Variants in CNBD2 observed in about 807,000 individuals in gnomAD.
CNBD2 encodes cyclic nucleotide-binding domain-containing protein 2.
A neutral mutation model predicts 63.7 loss-of-function variants in CNBD2; 64 were observed. That is an observed-to-expected ratio of 1.00 (90% CI 0.82 to 1.24). CNBD2 has a LOEUF of 1.24. Ranked by LOEUF, CNBD2 falls within the 50% of genes most tolerant of loss-of-function variation. CNBD2 has a pLI of 0.00. For synonymous variants in CNBD2, 229 were observed against 255.4 expected, an observed-to-expected ratio of 0.90 and a Z score of 0.99; for missense variants, 691 against 713.5, an observed-to-expected ratio of 0.97 and a Z score of 0.36.
downstream of CNBD2, among the ~76,000 whole-genome samples, chr20:35,957,142 C>T (rs1301203975): frequency 1.3e-5 from 2 of 152,092 alleles, no homozygotes; most frequent in East Asian, 3.8e-4. Context: ...GGAGGAGGGA[C>T]CTGAGAGATC....
At chr20:35,965,748 G>A (rs17093268), upstream of CNBD2, among the ~76,000 whole-genome samples, 1,488 of 152,268 alleles carry the variant, frequency 9.8e-3, 62 homozygotes, top group Admixed American at 0.071. Context: ...GATGTCTTCA[G>A]GTAAATTGAG....
At position 36,008,282 on chromosome 20, in the gene CNBD2, T is replaced by C; in HGVS notation, c.971-15T>C. ...AAAGATCCATAAGTATCTTTTCCTG[T>C]GCTTTCTCTAACAGAATACTCTCCT... On this transcript the variant is annotated splice_polypyrimidine_tract_variant and intron_variant, in intron 8 of 11. Transcript: ENST00000373973. The C allele has an allele frequency of 6.3e-7, 1 of 1,592,510 alleles. No homozygotes were observed. Among genetic ancestry groups the C allele is most frequent in the Non-Finnish European group, 8.5e-7 (1 of 1,170,154 alleles).
intron 10 of CNBD2, among the ~76,000 whole-genome samples, chr20:36,019,442 G>C: frequency 6.8e-6 from 1 of 146,980 alleles, no homozygotes; most frequent in Non-Finnish European, 1.5e-5. Context: ...AGGATCCCTT[G>C]AGCCCAGGAG....
intron 8 of CNBD2, among the ~76,000 whole-genome samples, chr20:36,007,650 G>A (rs1219391962): frequency 6.6e-6 from 1 of 152,042 alleles, no homozygotes; most frequent in Non-Finnish European, 1.5e-5. Flanking sequence ...AGTGTCCCCA[G>A]TTGCTAGAGC....
In CNBD2 at chr20:36,004,571, CT is replaced by C. The variant is rs534757185; in HGVS notation, c.971-3713del. 6.3e-3 allele frequency among the ~76,000 whole-genome samples: 915 copies of C among 145,004 alleles called. 2 individuals carry two copies. Among genetic ancestry groups the C allele is most frequent in the African/African-American group, 0.014 (550 of 39,764 alleles). ...TCCTTTATTGCCTGATATTCAATGT[CT>C]TTTTTTTTTTTTGAGACAGGGTCTC... On this transcript the variant is annotated intron_variant, in intron 8 of 11. Transcript: ENST00000373973.
chr20:35,971,432 C>G (rs548396680), intron 1 of CNBD2, among the ~76,000 whole-genome samples: 11 of 151,930 alleles, frequency 7.2e-5, no homozygotes, highest in Middle Eastern at 6.8e-3. Context: ...CCTTATTTGT[C>G]CCTAGAGTGC....
chr20:36,025,099 G>A (rs1029448547), intron 11 of CNBD2, among the ~76,000 whole-genome samples: 15 of 152,080 alleles, frequency 9.9e-5, no homozygotes, highest in African/African-American at 3.4e-4. Flanking sequence ...TTAAAAAATG[G>A]TAAGCTTAAT....
upstream of CNBD2, among the ~76,000 whole-genome samples, chr20:35,965,713 C>T (rs1156879079): frequency 6.6e-6 from 1 of 152,188 alleles, no homozygotes; most frequent in Non-Finnish European, 1.5e-5. Flanking sequence ...CCCCAGCCCA[C>T]CTCCTTGCAG....
At chr20:35,998,608 C>T (rs923181397) in intron 8 of CNBD2, among the ~76,000 whole-genome samples, 3 of 151,908 alleles carry the variant, frequency 2.0e-5, no homozygotes, top group South Asian at 2.1e-4. Flanking sequence ...GTGGTTCACG[C>T]GTGTAATCCC....
intron 2 of CNBD2, among the ~76,000 whole-genome samples, chr20:35,960,877 C>A (rs2056303506): frequency 6.7e-6 from 1 of 149,408 alleles, no homozygotes. Flanking sequence ...CTTTCCTCTC[C>A]TCTCCTCTCC....
Position 35,995,085 on chromosome 20 carries a change from C to T in CNBD2, c.903C>T (p.Ser301=), listed in dbSNP as rs2056805771. 1.9e-6 allele frequency: 3 copies of T among 1,613,988 alleles called. No homozygotes were observed. Among genetic ancestry groups the T allele is most frequent in the Non-Finnish European group, 1.7e-6 (2 of 1,179,990 alleles). Reference sequence around the variant, plus strand: ...TGTTGGACCTTGGGGCCTCCCCTTCCTACCGTAGATGGATCTGGCAGCACC... The same window carrying T: ...TGTTGGACCTTGGGGCCTCCCCTTCTTACCGTAGATGGATCTGGCAGCACC... ...LRLLDLGASP[S]YRRWIWQHLE... Residue 301 remains serine, a synonymous_variant, in exon 8 of 12, where the codon TCC becomes TCT. Coordinates refer to ENST00000373973, the MANE Select transcript of CNBD2 (RefSeq NM_001365709.1).
rs561441076 is a variant in CNBD2 at position 36,022,217 on chromosome 20, T to TTTTTTTTG, written c.1270-1385_1270-1384insTTTTTTTG. ...TTTCTTTTTTTTTTTTTTTTTTTTTTGAGATGGAGTCTCGCTCTGTCGTCA... is the reference window on the plus strand; with the variant it reads ...TTTCTTTTTTTTTTTTTTTTTTTTTTTTTTTTTGGAGATGGAGTCTCGCTCTGTCGTCA... On this transcript the variant is annotated intron_variant, in intron 10 of 11. Coordinates refer to ENST00000373973, the MANE Select transcript of CNBD2 (RefSeq NM_001365709.1). Among the ~76,000 whole-genome samples the TTTTTTTTG allele has an allele frequency of 7.6e-3, 817 of 107,016 alleles. 2 individuals are homozygous for TTTTTTTTG. Among genetic ancestry groups the TTTTTTTTG allele is most frequent in the African/African-American group, 0.02 (402 of 20,198 alleles). 70.2% of individuals were successfully genotyped at this position (107,016 alleles called of 152,430 possible).
chr20:36,015,291 A>G (rs1428695662), intron 10 of CNBD2, among the ~76,000 whole-genome samples: 1 of 152,176 alleles, frequency 6.6e-6, no homozygotes, highest in African/African-American at 2.4e-5. Flanking sequence ...ACGGCTTGCA[A>G]ATATTTTCTA....
In CNBD2 at chr20:35,975,993, T is replaced by G; in HGVS notation, c.234T>G (p.Ile78Met). The change falls in exon 3 of 12, where the codon ATT becomes ATG. Residue 78 changes from isoleucine (I) to methionine (M), a missense_variant. Coordinates refer to ENST00000373973, the MANE Select transcript of CNBD2 (RefSeq NM_001365709.1). ...SRVTFDTMDF[I>M]AEEGHFPPKA... ...TCACATTTGATACCATGGACTTCAT[T>G]GCAGAGGAGGTATGCATAGCTCGAA... 1.2e-6 allele frequency: 2 copies of G among 1,612,934 alleles called. No individual in the cohort carries two copies.
rs539717099 is a variant in CNBD2, at chr20:36,010,193, C to G, written c.1149-944C>G. Reference sequence around the variant, plus strand: ...GCCCAGAGCAGCACAGCCCCCTCCCCCTGCTACTTTTGAAATTGAAGTGTC... The same window carrying G: ...GCCCAGAGCAGCACAGCCCCCTCCCGCTGCTACTTTTGAAATTGAAGTGTC... On this transcript the variant is annotated intron_variant, in intron 9 of 11. Transcript: ENST00000373973. Among the ~76,000 whole-genome samples the G allele has an allele frequency of 8.5e-5, 13 of 152,214 alleles. No homozygotes were observed. The East Asian group carries it at 2.1e-3, about 25-fold the overall frequency.
intron 11 of CNBD2, among the ~76,000 whole-genome samples, chr20:36,029,119 T>C (rs1309515450): frequency 6.6e-6 from 1 of 152,118 alleles, no homozygotes; most frequent in Admixed American, 6.6e-5. Flanking sequence ...ACCATCAGCA[T>C]CAGGAAGTGA....
intron 2 of CNBD2, among the ~76,000 whole-genome samples, chr20:35,963,384 C>CT (rs2056322489): frequency 6.7e-6 from 1 of 150,020 alleles, no homozygotes; most frequent in South Asian, 2.1e-4. Context: ...GAAAATTAGT[C>CT]TACTTAAATG....
chr20:35,983,913 C>A, intron 4 of CNBD2, 69 bp from the exon 5 acceptor site: 1 of 1,578,126 alleles, frequency 6.3e-7, no homozygotes, highest in Non-Finnish European at 8.7e-7. Context: ...ACAACCAGTC[C>A]AGAGCTCCTC....
chr20:35,995,150 G>A lies in CNBD2; in HGVS notation c.968G>A (p.Ser323Asn), dbSNP rs200301277. 1.9e-6 allele frequency: 3 copies of A among 1,610,628 alleles called. No individual in the cohort carries two copies. The East Asian group carries it at 6.7e-5, about 36-fold the overall frequency. ...IDGRPLKTHL[S>N]EYSPMERFKE... ...GGCAGACCTCTGAAGACCCACCTGA[G>A]TGGTAAGCTGCCTTGGCCTGTCTGA... Residue 323 changes from serine (S) to asparagine (N), a missense_variant and splice_region_variant, in exon 8 of 12, where the codon AGT (serine) becomes AAT (asparagine). Physicochemically the swap from Ser to Asn is conservative, Grantham distance 46. Transcript: ENST00000373973.
Sources: gnomAD v4.1 joint callset for allele counts (sites outside exome capture counted in the v4.1 genomes callset) on GRCh38, gnomAD v4.1.1 for gene constraint, MANE v1.5 for transcripts, NCBI Gene and HGNC (gene_info 2026-07-23, HGNC 2026-07-21) for gene names.